The following MPP4 variants were observed in gnomAD, a reference collection of about 807,000 sequenced individuals.
MPP4 encodes MAGUK p55 subfamily member 4.
A neutral mutation model predicts 98.3 loss-of-function variants in MPP4; 91 were observed. The observed-to-expected ratio is 0.93, with a 90% CI of 0.78 to 1.10. The LOEUF is 1.10. Among genes scored for constraint, MPP4 ranks in the 50% least tolerant of loss-of-function variants. The pLI is 0.00. For synonymous variants in MPP4, 261 were observed against 271.8 expected, an observed-to-expected ratio of 0.96 and a Z score of 0.39; for missense variants, 744 against 792.9, an observed-to-expected ratio of 0.94 and a Z score of 0.74.
At chr2:201,664,019 A>G (rs1688095364) in intron 14 of MPP4, 62 bp downstream of exon 14, 2 of 1,273,732 alleles carry the variant, frequency 1.6e-6, no homozygotes, top group African/African-American at 3.0e-5. Flanking sequence ...ATGTGTATAA[A>G]TTGCATCAAA....
At position 201,685,129 on chromosome 2, in the gene MPP4, C is replaced by T. The variant is rs199920224; in HGVS notation, c.509G>A (p.Arg170His). ...NQQPLGATIKRHEMTGDILVA... is the reference protein window; with the variant it reads ...NQQPLGATIKHHEMTGDILVA... ...CAAGATGTCCCCTGTCATCTCGTGG[C>T]GCTTGATGGTGGCTCCCTGAAGAGA... is the stretch of plus-strand genomic sequence containing the variant. Residue 170 changes from arginine (R) to histidine (H), a missense_variant, in exon 7 of 22, where the codon CGC (arginine) becomes CAC (histidine). Transcript: ENST00000409474. 1.4e-5 allele frequency: 23 copies of T among 1,610,882 alleles called. No individual in the cohort carries two copies. Among genetic ancestry groups the T allele is most frequent in the Middle Eastern group, 1.7e-4 (1 of 6,058 alleles).
intron 21 of MPP4, among the ~76,000 whole-genome samples, chr2:201,645,757 C>G (rs1198677619): frequency 6.6e-6 from 1 of 151,920 alleles, no homozygotes; most frequent in Non-Finnish European, 1.5e-5. Flanking sequence ...CTCAAGTGAT[C>G]CTCCCACCTA....
chr2:201,655,150 T>C (rs1256546112), intron 17 of MPP4, among the ~76,000 whole-genome samples: 1 of 152,204 alleles, frequency 6.6e-6, no homozygotes, highest in Non-Finnish European at 1.5e-5. Flanking sequence ...AGGTAAGGAA[T>C]CACAGGAACC....
At chr2:201,671,210 A>G (rs1457794584) in intron 11 of MPP4, among the ~76,000 whole-genome samples, 1 of 152,018 alleles carries the variant, frequency 6.6e-6, no homozygotes, top group Non-Finnish European at 1.5e-5. Flanking sequence ...GAATACCAGC[A>G]AGACAGAACC....
intron 11 of MPP4, among the ~76,000 whole-genome samples, chr2:201,673,766 A>G (rs1688413382): frequency 6.6e-6 from 1 of 152,234 alleles, no homozygotes; most frequent in South Asian, 2.1e-4. Flanking sequence ...TAAAAGGAAA[A>G]GTAATTTTTG....
At chr2:201,655,760 T>C (rs1461489609) in intron 17 of MPP4, among the ~76,000 whole-genome samples, 1 of 152,222 alleles carries the variant, frequency 6.6e-6, no homozygotes, top group East Asian at 1.9e-4. Context: ...TGTTAGATAC[T>C]TTTCTAAAGG....
intron 3 of MPP4, 58 bp downstream of exon 3, chr2:201,692,850 T>C (rs1689076833): frequency 1.9e-6 from 3 of 1,579,524 alleles, no homozygotes; most frequent in South Asian, 1.2e-5. Flanking sequence ...TGTCATTTTC[T>C]ACACACTCCC....
At chr2:201,657,852 C>T (rs535823213) in intron 16 of MPP4, among the ~76,000 whole-genome samples, 2 of 152,100 alleles carry the variant, frequency 1.3e-5, no homozygotes, top group East Asian at 3.9e-4. Context: ...CCTGCTCATG[C>T]TCCTTACTCT....
chr2:201,659,985 T>G (rs1460430628), intron 15 of MPP4, among the ~76,000 whole-genome samples: 1 of 152,144 alleles, frequency 6.6e-6, no homozygotes, highest in Non-Finnish European at 1.5e-5. Flanking sequence ...GGTAAGTAAG[T>G]ATATTTTCTC....
intron 5 of MPP4, 112 bp downstream of exon 5, chr2:201,687,179 C>G: frequency 1.2e-6 from 1 of 867,996 alleles, no homozygotes; most frequent in Non-Finnish European, 1.8e-6. Flanking sequence ...TAACCGTGTA[C>G]AGTAATAGAA....
intron 14 of MPP4, chr2:201,661,984 TA>T: frequency 3.0e-6 from 1 of 328,142 alleles, no homozygotes; most frequent in Non-Finnish European, 5.9e-6. Flanking sequence ...AAATTATTTC[TA>T]ACAGGCCAAC....
intron 5 of MPP4, 74 bp from the exon 6 acceptor site, chr2:201,686,124 A>G (rs999932125): frequency 1.3e-5 from 19 of 1,516,524 alleles, no homozygotes; most frequent in Admixed American, 3.8e-5. Flanking sequence ...GTAACTCAAT[A>G]CTATCTAAGA....
chr2:201,694,608 CTTTTTTTTTTTTTTT>C (rs777556505), intron 1 of MPP4, among the ~76,000 whole-genome samples: 4 of 78,870 alleles, frequency 5.1e-5, no homozygotes. Context: ...TTCTTTTTCC[CTTTTTTTTTTTTTTT>C]TTTTTTTTTT....
chr2:201,650,431 C>A, intron 18 of MPP4: 1 of 985,366 alleles, frequency 1.0e-6, no homozygotes, highest in Non-Finnish European at 1.2e-6. Context: ...AAGGGAACAC[C>A]TGTTATTACT....
At chr2:201,677,802 G>C (rs1688549516) in intron 10 of MPP4, among the ~76,000 whole-genome samples, 1 of 152,160 alleles carries the variant, frequency 6.6e-6, no homozygotes, top group Non-Finnish European at 1.5e-5. Context: ...AAGTTGGAGA[G>C]GTAGGAAGAG....
At chr2:201,661,172 C>T (rs1323816340) in intron 14 of MPP4, among the ~76,000 whole-genome samples, 11 of 150,810 alleles carry the variant, frequency 7.3e-5, no homozygotes, top group East Asian at 3.9e-4. Context: ...CTGCCTGCCT[C>T]GGCCTCCCAA....
rs370268861 is a variant in MPP4, at chr2:201,683,821, A to G, written c.575-905T>C. Among the ~76,000 whole-genome samples, 8 of 152,228 alleles carry G rather than the reference A, an allele frequency of 5.3e-5. No homozygotes were observed. In the East Asian group the frequency reaches 1.2e-3, roughly 22 times the overall value. On this transcript the variant is annotated intron_variant, in intron 7 of 21. Transcript: ENST00000409474. ...GGCCAATGGACTTAGCAACTAGGAA[A>G]TTCTTGGTATTTACAATGAGAATGT...
At chr2:201,684,096 A>G (rs778528729) in intron 7 of MPP4, among the ~76,000 whole-genome samples, 5 of 151,710 alleles carry the variant, frequency 3.3e-5, no homozygotes, top group Non-Finnish European at 7.4e-5. Flanking sequence ...AGTGTGCACC[A>G]GTGGACCCAG....
intron 7 of MPP4, among the ~76,000 whole-genome samples, chr2:201,683,882 G>A (rs1056428856): frequency 2.0e-5 from 3 of 152,062 alleles, no homozygotes; most frequent in South Asian, 2.1e-4. Context: ...TTAGGGCTTC[G>A]GGGTAGTGAA....
Sources: gnomAD v4.1 joint callset for allele counts (sites outside exome capture counted in the v4.1 genomes callset) on GRCh38, gnomAD v4.1.1 for gene constraint, MANE v1.5 for transcripts, NCBI Gene and HGNC (gene_info 2026-07-23, HGNC 2026-07-21) for gene names.